Variants in FRMPD4 observed in about 807,000 individuals in gnomAD.
FRMPD4 encodes FERM and PDZ domain-containing protein 4.
FRMPD4 carries 22 observed loss-of-function variants against 94.1 expected under a neutral mutation model. That is an observed-to-expected ratio of 0.23 (90% CI 0.17 to 0.33). The LOEUF is 0.33. Ranked by LOEUF, FRMPD4 falls within the 10% of genes least tolerant of loss-of-function variation. The pLI is 1.00. For missense variants in FRMPD4, 1,111 were observed against 1,339.9 expected (o/e 0.83, Z 2.67); for synonymous variants, 631 against 548.6 (o/e 1.15, Z -2.10).
At chrX:11,966,508 T>C (rs2054310302) in intron 3 of FRMPD4, among the ~76,000 whole-genome samples, 1 of 110,719 alleles carries the variant, frequency 9.0e-6, no homozygotes, top group South Asian at 3.9e-4. Flanking sequence ...TATTTTATTA[T>C]AGCAGCCCAG....
chrX:11,990,625 T>A (rs1285934134), intron 3 of FRMPD4, among the ~76,000 whole-genome samples: 1 of 111,972 alleles, frequency 8.9e-6, no homozygotes, highest in Non-Finnish European at 1.9e-5. Context: ...TTCACATGTT[T>A]GGGGACCATT....
At chrX:11,828,805 C>T (rs894960508) in intron 1 of FRMPD4, among the ~76,000 whole-genome samples, 4 of 112,433 alleles carry the variant, frequency 3.6e-5, no homozygotes, top group Non-Finnish European at 5.6e-5. Flanking sequence ...GCAATTATGG[C>T]CTGCTCCCAA....
At chrX:12,120,124 A>C (rs2055442306) in intron 3 of FRMPD4, among the ~76,000 whole-genome samples, 1 of 112,446 alleles carries the variant, frequency 8.9e-6, no homozygotes, top group African/African-American at 3.2e-5. Context: ...GTAAAAGCTA[A>C]GTTTTCCTCC....
chrX:11,992,999 T>C (rs1166088745), intron 3 of FRMPD4, among the ~76,000 whole-genome samples: 2 of 109,802 alleles, frequency 1.8e-5, no homozygotes, highest in Non-Finnish European at 3.8e-5. Context: ...TTTTTTTTTT[T>C]TGGTTTTGTT....
chrX:12,692,041 C>A (rs933391585), intron 8 of FRMPD4, among the ~76,000 whole-genome samples: 2 of 111,964 alleles, frequency 1.8e-5, no homozygotes, highest in Non-Finnish European at 3.8e-5. Context: ...CCCCCCACAA[C>A]GTTTTGATCT....
intron 3 of FRMPD4, among the ~76,000 whole-genome samples, chrX:11,972,981 T>G (rs1189072298): frequency 8.9e-6 from 1 of 112,165 alleles, no homozygotes; most frequent in Non-Finnish European, 1.9e-5. Context: ...TTTGTCTACA[T>G]TATGTAAAAT....
At chrX:12,070,430 TG>T (rs1349350319) in intron 3 of FRMPD4, among the ~76,000 whole-genome samples, 1 of 112,164 alleles carries the variant, frequency 8.9e-6, no homozygotes, top group African/African-American at 3.2e-5. Context: ...TTTTAAAGTC[TG>T]GGCTTTCATA....
intron 2 of FRMPD4, among the ~76,000 whole-genome samples, chrX:12,505,770 CG>C (rs1458126558): frequency 9.8e-6 from 1 of 101,873 alleles, no homozygotes; most frequent in Non-Finnish European, 2.0e-5. Flanking sequence ...GCAACTGAGA[CG>C]GGAGGGCTGG....
At chrX:12,285,296 G>A (rs12393738) in intron 1 of FRMPD4, among the ~76,000 whole-genome samples, 8,259 of 111,598 alleles carry the variant, frequency 0.074, 768 homozygotes, top group African/African-American at 0.26. Context: ...CCTGTTCCCA[G>A]AAAGGATTTT....
intron 3 of FRMPD4, among the ~76,000 whole-genome samples, chrX:12,010,833 C>T (rs1056634827): frequency 2.7e-5 from 3 of 111,893 alleles, no homozygotes; most frequent in African/African-American, 9.7e-5. Context: ...TTGAGATAGC[C>T]CTTCAAGGAT....
chrX:12,022,175 G>GA (rs1019117043), intron 3 of FRMPD4, among the ~76,000 whole-genome samples: 2 of 112,261 alleles, frequency 1.8e-5, no homozygotes, highest in African/African-American at 6.5e-5. Flanking sequence ...ATGTTTAAAT[G>GA]AAAAAAATTC....
intron 1 of FRMPD4, among the ~76,000 whole-genome samples, chrX:12,290,549 C>G (rs1237658632): frequency 1.8e-5 from 2 of 112,499 alleles, no homozygotes; most frequent in African/African-American, 6.4e-5. Flanking sequence ...GCCACTTCCA[C>G]ATATTGATGA....
At chrX:12,683,442 A>G (rs775301913) in intron 5 of FRMPD4, 41 bp from the exon 6 acceptor site, 4 of 700,673 alleles carry the variant, frequency 5.7e-6, no homozygotes. Flanking sequence ...GGTTTGCATT[A>G]TGTTACCAGT....
At chrX:12,316,222 C>T (rs1051706859) in intron 1 of FRMPD4, among the ~76,000 whole-genome samples, 2 of 111,507 alleles carry the variant, frequency 1.8e-5, no homozygotes, top group African/African-American at 6.5e-5. Context: ...TCTCAGCTCA[C>T]CACAAACTCC....
At chrX:11,876,776 G>A (rs774548426) in intron 2 of FRMPD4, among the ~76,000 whole-genome samples, 3 of 112,443 alleles carry the variant, frequency 2.7e-5, no homozygotes, top group East Asian at 2.8e-4. Context: ...TTTGGCATGA[G>A]CCCATCTCAA....
rs1324162221 is a variant in FRMPD4, at chrX:12,721,526, T to C, written c.4957T>C (p.Leu1653=). The C allele has an allele frequency of 1.3e-6, 1 of 752,560 alleles. No homozygotes were observed. Among genetic ancestry groups the C allele is most frequent in the East Asian group, 1.5e-4 (1 of 6,576 alleles). 62.0% of individuals were successfully genotyped at this position (752,560 alleles called of 1,213,427 possible). The part of the protein sequence containing the change: ...KQLLSIESRQ[L]GSACRKMAMA... ...ACTGTTATCCATTGAGTCCAGACAG[T>C]TGGGAAGTGCCTGTAGGAAAATGGC... The change falls in exon 17 of 17, where the codon TTG becomes CTG. Residue 1653 remains leucine, a synonymous_variant. Transcript: ENST00000675598.
At chrX:12,137,570 G>A (rs1406413685), upstream of FRMPD4, among the ~76,000 whole-genome samples, 1 of 111,684 alleles carries the variant, frequency 9.0e-6, no homozygotes. Flanking sequence ...ACAGTCTGGG[G>A]GGAAATTTTA....
chrX:12,043,788 A>T (rs1309813879), intron 3 of FRMPD4, among the ~76,000 whole-genome samples: 1 of 112,228 alleles, frequency 8.9e-6, no homozygotes. Flanking sequence ...GTAATAGAAG[A>T]ATATACATAT....
intron 1 of FRMPD4, among the ~76,000 whole-genome samples, chrX:12,255,484 G>A (rs1052856498): frequency 9.0e-6 from 1 of 111,692 alleles, no homozygotes; most frequent in Non-Finnish European, 1.9e-5. Flanking sequence ...ATTATCAACT[G>A]CTTTATTGCT....
Sources: allele counts gnomAD v4.1 joint callset (sites outside exome capture counted in the v4.1 genomes callset), GRCh38; gene constraint gnomAD v4.1.1; transcripts MANE v1.5; gene names NCBI Gene and HGNC (gene_info 2026-07-23, HGNC 2026-07-21).